The following CEACAM19 variants were observed in gnomAD, a reference collection of about 807,000 sequenced individuals.
The protein encoded by CEACAM19 is CEA cell adhesion molecule 19.
Under a neutral mutation model 37.6 loss-of-function variants are expected in CEACAM19, and 37 were observed. The ratio of observed to expected loss-of-function variants is 0.98; its 90% confidence interval spans 0.76 to 1.29. The LOEUF is 1.29. Ranked by LOEUF, CEACAM19 falls within the 50% of genes most tolerant of loss-of-function variation. CEACAM19 has a pLI of 0.00. For missense variants in CEACAM19, 340 were observed against 375.6 expected, an observed-to-expected ratio of 0.91 and a Z score of 0.78; for synonymous variants, 140 against 149.8, an observed-to-expected ratio of 0.93 and a Z score of 0.48.
Position 44,671,554 on chromosome 19 carries a change from A to G in CEACAM19, c.-378A>G. ...AGTTATTTATGGTGGCTGCTGAATG[A>G]GGCAGTGTGTGTTTGAACAAACCCA... is the stretch of plus-strand genomic sequence containing the variant. On this transcript the variant is annotated 5_prime_UTR_variant, in exon 1 of 8. The change abolishes the stop of an existing upstream ORF in the 5' untranslated region. Coordinates refer to ENST00000358777, the MANE Select transcript of CEACAM19 (RefSeq NM_001127893.3). 1 of 405,762 alleles carries G rather than the reference A, an allele frequency of 2.5e-6. No individual in the cohort carries two copies. Among genetic ancestry groups the G allele is most frequent in the Non-Finnish European group, 4.3e-6 (1 of 230,264 alleles). The allele number at this position is 405,762 out of a possible 1,614,324, so 25.1% of individuals were successfully genotyped here.
upstream of CEACAM19, among the ~76,000 whole-genome samples, chr19:44,667,839 A>G (rs1973757540): frequency 1.4e-5 from 1 of 71,218 alleles, no homozygotes; most frequent in Non-Finnish European, 2.3e-5. Context: ...TATTTTATAT[A>G]TAATATATAC....
In CEACAM19 at chr19:44,681,322, G is replaced by A. The variant is rs765333595; in HGVS notation, c.792+10G>A. The A allele has an allele frequency of 4.0e-5, 64 of 1,600,392 alleles. No homozygotes were observed. The highest frequency in any genetic ancestry group is 1.6e-4 in the Middle Eastern group (1 of 6,062). On this transcript the variant is annotated intron_variant, in intron 6 of 7. Coordinates refer to ENST00000358777, the MANE Select transcript of CEACAM19 (RefSeq NM_001127893.3). ...CATAAACCCAGCCCGGGTGAGTCCC[G>A]TCCCCAGCCTCTCCCCTGAAGCCAA...
intron 4 of CEACAM19, 122 bp from the exon 5 acceptor site, chr19:44,680,166 C>T: frequency 2.7e-6 from 2 of 738,068 alleles, no homozygotes; most frequent in South Asian, 3.2e-5. Flanking sequence ...TCCTAGCTCA[C>T]TCTGAAGGAG....
chr19:44,672,483 A>G, intron 1 of CEACAM19, 113 bp from the exon 2 acceptor site: 7 of 1,166,842 alleles, frequency 6.0e-6, no homozygotes, highest in East Asian at 2.7e-5. Context: ...ATTGTTTCCA[A>G]TGAGCAGCAC....
rs138229302 is a variant in CEACAM19, at chr19:44,683,595, C to T, written c.*105C>T. ...ACAAGGCCATTGGGGGCTGTGGGGC[C>T]GATGAGGTGGACTCAGCCAAAGACT... is the stretch of plus-strand genomic sequence containing the variant. On this transcript the variant is annotated 3_prime_UTR_variant, in exon 8 of 8. Coordinates refer to ENST00000358777, the MANE Select transcript of CEACAM19 (RefSeq NM_001127893.3). The T allele has an allele frequency of 4.0e-5, 27 of 667,940 alleles. No homozygotes were observed. The highest frequency in any genetic ancestry group is 1.1e-4 in the African/African-American group (6 of 54,478). The allele number at this position is 667,940 out of a possible 1,614,324, so 41.4% of individuals were successfully genotyped here.
intron 5 of CEACAM19, 69 bp downstream of exon 5, chr19:44,680,403 CA>C: frequency 7.1e-7 from 1 of 1,400,870 alleles, no homozygotes; most frequent in Admixed American, 1.8e-5. Flanking sequence ...CCTATAGCCA[CA>C]AGCCCGCTTA....
chr19:44,668,067 A>C (rs1222901296), upstream of CEACAM19, among the ~76,000 whole-genome samples: 1 of 85,754 alleles, frequency 1.2e-5, no homozygotes, highest in Non-Finnish European at 2.0e-5. Context: ...TAAATATATA[A>C]TATATAAATA....
intron 2 of CEACAM19, chr19:44,673,953 G>A (rs948601495): frequency 6.6e-6 from 1 of 152,166 alleles, no homozygotes; most frequent in Non-Finnish European, 1.5e-5. Flanking sequence ...GGTATTAAAA[G>A]GTGGGGCTTG....
Position 44,676,405 on chromosome 19 carries a change from A to G in CEACAM19, c.559A>G (p.Arg187Gly), listed in dbSNP as rs1973951340. The stretch of plus-strand genomic sequence containing the variant: ...CTATCTCCTGGTGACAAGGAACTGG[A>G]GGGGCCAGAGCCACAGGTACAGGGT... Reference protein sequence around the residue: ...IAYLLVTRNWRGQSHRLPAPR... With the variant: ...IAYLLVTRNWGGQSHRLPAPR... The change falls in exon 3 of 8, where the codon AGG becomes GGG. Residue 187 changes from arginine (R) to glycine (G), a missense_variant. Coordinates refer to ENST00000358777, the MANE Select transcript of CEACAM19 (RefSeq NM_001127893.3). 1.9e-6 allele frequency: 3 copies of G among 1,613,940 alleles called. No individual in the cohort carries two copies. The highest frequency in any genetic ancestry group is 1.7e-5 in the Admixed American group (1 of 59,978).
chr19:44,672,103 T>C (rs1973865583), intron 1 of CEACAM19, 117 bp downstream of exon 1: 2 of 833,834 alleles, frequency 2.4e-6, no homozygotes, highest in Non-Finnish European at 3.9e-6. Flanking sequence ...TAGAATAAGA[T>C]GGGGGAGGGG....
upstream of CEACAM19, among the ~76,000 whole-genome samples, chr19:44,669,884 C>T (rs59569105): frequency 2.3e-3 from 345 of 152,280 alleles, no homozygotes; most frequent in African/African-American, 7.8e-3. Context: ...GTCTGCCCCC[C>T]CAAACCCTAC....
In CEACAM19 at chr19:44,678,849, C is replaced by A; in HGVS notation, c.576-4C>A. The A allele has an allele frequency of 6.2e-7, 1 of 1,613,768 alleles. No individual in the cohort carries two copies. On this transcript the variant is annotated splice_region_variant and splice_polypyrimidine_tract_variant and intron_variant, in intron 3 of 7. Transcript: ENST00000358777. The stretch of plus-strand genomic sequence containing the variant: ...AATTTTCTTCCCCTCTCTTTCCACC[C>A]TAGACTGCCTGCTCCGAGGGGCCAG...
rs375681143 is a variant in CEACAM19, at chr19:44,672,885, A to T, written c.345A>T (p.Thr115=). ...TGCTGCTGCGCCGCGCCCAGCCTAC[A>T]GACAGTGGCACCTACCAAGTAGCCA... ...GSMLLRRAQP[T]DSGTYQVAIT... Residue 115 remains threonine (T), a synonymous_variant, in exon 2 of 8, where the codon ACA becomes ACT. Coordinates refer to ENST00000358777, the MANE Select transcript of CEACAM19 (RefSeq NM_001127893.3). 1.0e-5 allele frequency: 16 copies of T among 1,584,792 alleles called. No individual in the cohort carries two copies. The highest frequency in any genetic ancestry group is 9.4e-5 in the African/African-American group (7 of 74,144).
intron 2 of CEACAM19, 121 bp from the exon 3 acceptor site, chr19:44,676,150 G>A: frequency 9.7e-7 from 1 of 1,025,802 alleles, no homozygotes; most frequent in African/African-American, 1.6e-5. Flanking sequence ...CTCTGGGCTG[G>A]AAATAGGAAA....
At position 44,680,303 on chromosome 19, in the gene CEACAM19, G is replaced by T. The variant is rs770559423; in HGVS notation, c.675G>T (p.Glu225Asp). The change falls in exon 5 of 8, where the codon GAG becomes GAT. Residue 225 changes from glutamate to aspartate, a missense_variant. Transcript: ENST00000358777. ...VTPSTWMATT[E>D]KPELGPAHDA... ...GTGTCCCCAGGATGGCGACCACAGAGAAGCCAGAATTGGGCCCTGCTCATG... is the reference window on the plus strand; with the variant it reads ...GTGTCCCCAGGATGGCGACCACAGATAAGCCAGAATTGGGCCCTGCTCATG... 9.3e-6 allele frequency: 15 copies of T among 1,610,332 alleles called. No individual in the cohort carries two copies. The East Asian group carries it at 2.9e-4, about 31-fold the overall frequency.
In CEACAM19 at chr19:44,671,758, G is replaced by C. The variant is rs1973858212; in HGVS notation, c.-174G>C. 1.8e-6 allele frequency: 1 copy of C among 565,152 alleles called. No individual in the cohort carries two copies. The highest frequency in any genetic ancestry group is 3.2e-6 in the Non-Finnish European group (1 of 315,280). 35.0% of individuals were successfully genotyped at this position (565,152 alleles called of 1,614,324 possible). On this transcript the variant is annotated 5_prime_UTR_variant, in exon 1 of 8. Transcript: ENST00000358777. ...GCTCCCATCCCAGGGAGTATAGGTG[G>C]AGCCTCCAGAGCCCATGGACAGGGC... is the stretch of plus-strand genomic sequence containing the variant.
chr19:44,673,246 C>T (rs929178579), intron 2 of CEACAM19, among the ~76,000 whole-genome samples: 2 of 152,176 alleles, frequency 1.3e-5, no homozygotes, highest in Non-Finnish European at 2.9e-5. Context: ...TTTTATCGAG[C>T]ACTTACTGTA....
chr19:44,680,548 A>C (rs988880166), intron 5 of CEACAM19, among the ~76,000 whole-genome samples: 10 of 151,776 alleles, frequency 6.6e-5, no homozygotes, highest in African/African-American at 2.4e-4. Context: ...AGTGGCTAGC[A>C]TCCCCATCCC....
Position 44,672,731 on chromosome 19 carries a change from A to G in CEACAM19, c.191A>G (p.Asn64Ser), listed in dbSNP as rs201929208. The G allele has an allele frequency of 8.6e-5, 137 of 1,584,028 alleles. No individual in the cohort carries two copies. The highest frequency in any genetic ancestry group is 2.1e-4 in the East Asian group (9 of 43,266). The change falls in exon 2 of 8, where the codon AAC becomes AGC. Residue 64 changes from asparagine (N) to serine (S), a missense_variant. Physicochemically the swap from Asn to Ser is conservative, Grantham distance 46. Coordinates refer to ENST00000358777, the MANE Select transcript of CEACAM19 (RefSeq NM_001127893.3). ...QGVPDTFQDF[N>S]WYLGEETYGG... ...GTCCCAGACACCTTCCAGGACTTCA[A>G]CTGGTACCTGGGGGAGGAGACGTAC...
Sources: gnomAD v4.1 joint callset for allele counts (sites outside exome capture counted in the v4.1 genomes callset) on GRCh38, gnomAD v4.1.1 for gene constraint, MANE v1.5 for transcripts, NCBI Gene and HGNC (gene_info 2026-07-23, HGNC 2026-07-21) for gene names.